RBFOX1: variants seen among roughly 807,000 people sequenced by gnomAD.
The protein encoded by RBFOX1 is RNA binding fox-1 homolog 1.
RBFOX1 carries 8 observed loss-of-function variants against 57.7 expected under a neutral mutation model. That is an observed-to-expected ratio of 0.14 (90% CI 0.08 to 0.25). RBFOX1 has a LOEUF of 0.25. Among genes scored for constraint, RBFOX1 ranks in the 10% least tolerant of loss-of-function variants. The pLI, the probability that RBFOX1 is intolerant of heterozygous loss-of-function variation, is 1.00. For synonymous variants in RBFOX1, 326 were observed against 222.4 expected (o/e 1.47, Z -4.15); for missense variants, 611 against 548.5 (o/e 1.11, Z -1.14).
At chr16:5,755,821 C>G (rs936514817) in intron 3 of RBFOX1, among the ~76,000 whole-genome samples, 10 of 152,138 alleles carry the variant, frequency 6.6e-5, no homozygotes, top group African/African-American at 2.2e-4. Flanking sequence ...TGGTCTCGAA[C>G]TCCTGACCTC....
intron 1 of RBFOX1, among the ~76,000 whole-genome samples, chr16:6,110,189 C>T (rs1210088342): frequency 4.7e-5 from 4 of 84,530 alleles, no homozygotes; most frequent in Non-Finnish European, 9.6e-5. Flanking sequence ...TCTGTATTTT[C>T]TTCTTCTTTT....
chr16:7,268,699 GAGCC>G, intron 4 of RBFOX1, among the ~76,000 whole-genome samples: 1 of 152,036 alleles, frequency 6.6e-6, no homozygotes, highest in East Asian at 1.9e-4. Flanking sequence ...ATTAGTACTA[GAGCC>G]TCCTTGGGAC....
At chr16:5,715,541 C>T (rs1192446993) in intron 3 of RBFOX1, among the ~76,000 whole-genome samples, 1 of 152,224 alleles carries the variant, frequency 6.6e-6, no homozygotes, top group Non-Finnish European at 1.5e-5. Context: ...GTTGACTGAT[C>T]TCTCTCTTTT....
intron 4 of RBFOX1, among the ~76,000 whole-genome samples, chr16:6,000,045 G>A (rs56983512): frequency 0.085 from 12,949 of 152,052 alleles, 695 homozygotes; most frequent in East Asian, 0.28. Context: ...GGCTGTGTGG[G>A]ATGACTGTAC....
chr16:7,054,702 G>C (rs568422785), intron 4 of RBFOX1, among the ~76,000 whole-genome samples: 1 of 152,190 alleles, frequency 6.6e-6, no homozygotes, highest in East Asian at 1.9e-4. Flanking sequence ...CATCGTTGAA[G>C]GGTAACTGTC....
chr16:7,057,517 T>C (rs1313096989), intron 4 of RBFOX1, among the ~76,000 whole-genome samples: 1 of 152,156 alleles, frequency 6.6e-6, no homozygotes, highest in East Asian at 1.9e-4. Flanking sequence ...TCCACCGGTA[T>C]AGGGACTAAC....
rs111949531 is a variant in RBFOX1 at position 7,374,249 on chromosome 16, T to G, written c.28-143898T>G. On this transcript the variant is annotated intron_variant, in intron 4 of 15. Coordinates refer to ENST00000550418, the MANE Select transcript of RBFOX1 (RefSeq NM_018723.4). ...ATTTACCATCCCGTGGAATCACATT[T>G]CTTATCTTTTTCTGAGGCTCCGTGT... Among the ~76,000 whole-genome samples the G allele has an allele frequency of 8.5e-3, 1,292 of 152,288 alleles. 18 individuals carry two copies. Among genetic ancestry groups the G allele is most frequent in the African/African-American group, 0.029 (1,222 of 41,560 alleles).
intron 14 of RBFOX1, among the ~76,000 whole-genome samples, chr16:7,698,414 C>G (rs188169675): frequency 1.3e-5 from 2 of 152,026 alleles, no homozygotes; most frequent in African/African-American, 4.8e-5. Flanking sequence ...TCTGCAAAAG[C>G]TGTTGAAACT....
intron 3 of RBFOX1, among the ~76,000 whole-genome samples, chr16:6,783,656 T>C (rs1156863779): frequency 6.6e-6 from 1 of 152,224 alleles, no homozygotes; most frequent in African/African-American, 2.4e-5. Context: ...TTAGTCTTCG[T>C]ACTAAAGATA....
At chr16:5,451,658 A>T (rs2068429130) in intron 1 of RBFOX1, among the ~76,000 whole-genome samples, 1 of 152,366 alleles carries the variant, frequency 6.6e-6, no homozygotes, top group East Asian at 1.9e-4. Context: ...GTACAATGTC[A>T]TGAGGCTTCA....
In RBFOX1 at chr16:7,134,478, C is replaced by A. The variant is rs1157995970; in HGVS notation, c.27+82380C>A. 2.0e-5 allele frequency among the ~76,000 whole-genome samples: 3 copies of A among 152,298 alleles called. No individual in the cohort carries two copies. In the East Asian group the frequency reaches 5.8e-4, roughly 29 times the overall value. ...TCATGCATTTTCCAGTTTGGACTCA[C>A]AGTCATTTGATCGTATTGCTGTTTC... On this transcript the variant is annotated intron_variant, in intron 4 of 15. Transcript: ENST00000550418.
chr16:7,375,131 C>G (rs1026859713), intron 4 of RBFOX1, among the ~76,000 whole-genome samples: 1 of 152,218 alleles, frequency 6.6e-6, no homozygotes, highest in Non-Finnish European at 1.5e-5. Context: ...CATTATCCTG[C>G]TTAATCTTTT....
intron 4 of RBFOX1, among the ~76,000 whole-genome samples, chr16:7,308,883 G>A (rs1003666002): frequency 6.6e-6 from 1 of 152,182 alleles, no homozygotes; most frequent in African/African-American, 2.4e-5. Flanking sequence ...AATTCTCATT[G>A]CAGTTACTTA....
At chr16:5,294,821 A>G (rs1426216548) in intron 1 of RBFOX1, among the ~76,000 whole-genome samples, 2 of 151,758 alleles carry the variant, frequency 1.3e-5, no homozygotes, top group South Asian at 4.2e-4. Context: ...ACTTGAGGCC[A>G]GGATTTCAAG....
chr16:7,495,892 G>A (rs2068475747), intron 4 of RBFOX1, among the ~76,000 whole-genome samples: 1 of 90,490 alleles, frequency 1.1e-5, no homozygotes, highest in Non-Finnish European at 2.3e-5. Flanking sequence ...TCCATTCAAA[G>A]ATACTAGACT....
chr16:5,326,391 C>T (rs1434421966), intron 1 of RBFOX1, among the ~76,000 whole-genome samples: 1 of 152,184 alleles, frequency 6.6e-6, no homozygotes, highest in East Asian at 1.9e-4. Flanking sequence ...TCCAAGTCCC[C>T]TTCTACTATT....
chr16:6,777,617 C>T (rs920115223), intron 3 of RBFOX1, among the ~76,000 whole-genome samples: 6 of 152,234 alleles, frequency 3.9e-5, no homozygotes, highest in African/African-American at 1.4e-4. Context: ...ATGGAAATTT[C>T]ACACGTTATT....
At chr16:7,228,869 G>T (rs777811395) in intron 4 of RBFOX1, among the ~76,000 whole-genome samples, 1 of 152,164 alleles carries the variant, frequency 6.6e-6, no homozygotes, top group Non-Finnish European at 1.5e-5. Context: ...GTGTTTTACA[G>T]ATCCACAGCT....
rs769078369 is a variant in RBFOX1 at position 6,462,733 on chromosome 16, T to G, written c.-64+145676T>G. On this transcript the variant is annotated intron_variant, in intron 2 of 15. Transcript: ENST00000550418. Reference sequence around the variant, plus strand: ...CCCCACACACAAAATTGGAGCAATTTGAAGTCTTCCCGACGCTATAAACTA... The same window carrying G: ...CCCCACACACAAAATTGGAGCAATTGGAAGTCTTCCCGACGCTATAAACTA... 4.1e-5 allele frequency among the ~76,000 whole-genome samples: 6 copies of G among 147,488 alleles called. No individual in the cohort carries two copies. The Admixed American group carries it at 4.2e-4, about 10-fold the overall frequency.
Sources: gnomAD v4.1 joint callset for allele counts (sites outside exome capture counted in the v4.1 genomes callset) on GRCh38, gnomAD v4.1.1 for gene constraint, MANE v1.5 for transcripts, NCBI Gene and HGNC (gene_info 2026-07-23, HGNC 2026-07-21) for gene names.